The following TRIM66 variants were observed in gnomAD, a reference collection of about 807,000 sequenced individuals.
The protein encoded by TRIM66 is tripartite motif-containing protein 66.
Under a neutral mutation model 148.2 loss-of-function variants are expected in TRIM66, and 99 were observed. That is an observed-to-expected ratio of 0.67 (90% CI 0.57 to 0.79). The LOEUF (loss-of-function observed/expected upper bound fraction) is 0.79, where lower values mean the gene tolerates loss of function less well. Among genes scored for constraint, TRIM66 ranks in the 30% least tolerant of loss-of-function variants. The pLI is 0.00. For missense variants in TRIM66, 1,666 were observed against 1,697.9 expected, an observed-to-expected ratio of 0.98 and a Z score of 0.33; for synonymous variants, 616 against 635.9, an observed-to-expected ratio of 0.97 and a Z score of 0.47.
chr11:8,672,119 A>G, intron 5 of TRIM66, 21 bp from the exon 6 acceptor site: 2 of 1,529,530 alleles, frequency 1.3e-6, no homozygotes, highest in South Asian at 1.2e-5. Context: ...AGCACAAAGC[A>G]GAGTGATCTA....
Position 8,648,548 on chromosome 11 carries a change from C to T in TRIM66, c.593G>A (p.Gly198Glu). Residue 198 changes from glycine to glutamate, a missense_variant and splice_region_variant, in exon 9 of 25, where the codon GGA becomes GAA. Transcript: ENST00000646038. ...GAAGTCTCCGGGACCACCATTCACT[C>T]CTGCCAGAGAAGACAGAGAAAGTGA... is the stretch of plus-strand genomic sequence containing the variant. ...FFPRAQKGSP[G>E]VNGGPGDFTL... The T allele has an allele frequency of 6.4e-7, 1 of 1,551,652 alleles. No homozygotes were observed. Among genetic ancestry groups the T allele is most frequent in the South Asian group, 1.2e-5 (1 of 84,050 alleles).
intron 13 of TRIM66, 97 bp downstream of exon 13, chr11:8,642,912 G>A (rs2036527365): frequency 5.9e-6 from 3 of 511,736 alleles, no homozygotes; most frequent in Non-Finnish European, 9.3e-6. Context: ...CCCAGAGAGT[G>A]CTTTCTCTTG....
intron 6 of TRIM66, among the ~76,000 whole-genome samples, chr11:8,667,514 G>A (rs978117678): frequency 6.6e-6 from 1 of 152,094 alleles, no homozygotes; most frequent in African/African-American, 2.4e-5. Flanking sequence ...CACTAACAAT[G>A]ACAACCCCAT....
chr11:8,651,879 T>C lies in TRIM66; in HGVS notation c.365A>G (p.Glu122Gly). The C allele has an allele frequency of 6.4e-7, 1 of 1,551,670 alleles. No individual in the cohort carries two copies. The highest frequency in any genetic ancestry group is 2.0e-5 in the Admixed American group (1 of 51,008). Residue 122 changes from glutamate to glycine, a missense_variant, in exon 7 of 25, where the codon GAA (glutamate) becomes GGA (glycine). By Grantham distance (98) the Glu-to-Gly change is moderately conservative. Transcript: ENST00000646038. ...ADELISCPGC[E>G]RVYLTRDVTE... is the part of the protein sequence containing the mutation. ...TACATCCCTGGTAAGATATACTCGT[T>C]CACACCCAGGACAGGAGATGAGCTC...
At chr11:8,630,836 T>C (rs1327041469) in intron 15 of TRIM66, among the ~76,000 whole-genome samples, 1 of 152,176 alleles carries the variant, frequency 6.6e-6, no homozygotes, top group Non-Finnish European at 1.5e-5. Flanking sequence ...ACCATCTAAC[T>C]TGACAACTTG....
At chr11:8,643,363 G>A (rs67165472) in intron 12 of TRIM66, among the ~76,000 whole-genome samples, 13,579 of 148,728 alleles carry the variant, frequency 0.091, 785 homozygotes, top group Middle Eastern at 0.19. Context: ...TAATTGAGAC[G>A]GGGTCTCACT....
chr11:8,634,600 G>A (rs1321145154), intron 15 of TRIM66, among the ~76,000 whole-genome samples: 4 of 152,220 alleles, frequency 2.6e-5, no homozygotes, highest in Admixed American at 6.5e-5. Flanking sequence ...TGTAGCCATG[G>A]TCTTTCTTTC....
rs563750476 is a variant in TRIM66, at chr11:8,614,641, C to A, written c.*3303G>T. On this transcript the variant is annotated 3_prime_UTR_variant, in exon 25 of 25. Transcript: ENST00000646038. ...CAGAAAGGAAGACTATAAGTGACTC[C>A]ATGGAGTGAGAGAGGGAGCAGAACA... The A allele has an allele frequency of 2.0e-5, 3 of 152,470 alleles. No individual in the cohort carries two copies. The South Asian group carries it at 6.2e-4, about 32-fold the overall frequency. 9.4% of individuals were successfully genotyped at this position (152,470 alleles called of 1,614,324 possible). A position where few individuals can be genotyped will look rare whatever the true frequency, so the allele number is the denominator to read the frequency against.
At chr11:8,638,560 C>A (rs775031114) in intron 15 of TRIM66, 94 bp downstream of exon 15, 119 of 1,403,686 alleles carry the variant, frequency 8.5e-5, no homozygotes, top group Non-Finnish European at 1.0e-4. Flanking sequence ...AACAGGGACG[C>A]TCCTCCCCCC....
upstream of TRIM66, chr11:8,683,112 A>G: frequency 7.4e-7 from 1 of 1,353,184 alleles, no homozygotes; most frequent in Non-Finnish European, 1.1e-6. Context: ...TAGGTCTTTG[A>G]CCCACAGGCT....
intron 6 of TRIM66, among the ~76,000 whole-genome samples, chr11:8,652,980 A>C (rs1027616311): frequency 3.9e-5 from 6 of 152,258 alleles, no homozygotes; most frequent in African/African-American, 1.4e-4. Flanking sequence ...TATGTAAAAT[A>C]GGGAAAATAA....
At chr11:8,659,020 C>T (rs2038065579) in intron 6 of TRIM66, among the ~76,000 whole-genome samples, 1 of 151,728 alleles carries the variant, frequency 6.6e-6, no homozygotes, top group Non-Finnish European at 1.5e-5. Flanking sequence ...CTCTACCCAC[C>T]AGGAAGATCC....
intron 15 of TRIM66, among the ~76,000 whole-genome samples, chr11:8,625,665 T>C (rs909134427): frequency 1.3e-5 from 2 of 152,324 alleles, no homozygotes; most frequent in Admixed American, 1.3e-4. Flanking sequence ...CCCCTCTGAC[T>C]ATACCACCAG....
chr11:8,643,480 C>T (rs1294865983), intron 12 of TRIM66, among the ~76,000 whole-genome samples: 1 of 152,034 alleles, frequency 6.6e-6, no homozygotes, highest in Non-Finnish European at 1.5e-5. Flanking sequence ...GCTAGGACTA[C>T]AGGTGCCCGC....
intron 9 of TRIM66, 110 bp from the exon 10 acceptor site, chr11:8,648,196 G>C (rs1453391554): frequency 3.5e-5 from 42 of 1,193,514 alleles, no homozygotes; most frequent in Non-Finnish European, 4.9e-5. Context: ...CATGGAAGCT[G>C]TGATGACTTC....
intron 6 of TRIM66, among the ~76,000 whole-genome samples, chr11:8,666,430 T>C (rs1565568353): frequency 6.6e-6 from 1 of 151,828 alleles, no homozygotes; most frequent in African/African-American, 2.4e-5. Context: ...GGTTCCAAAT[T>C]AAGCATGTTT....
At position 8,638,671 on chromosome 11, in the gene TRIM66, G is replaced by A; in HGVS notation, c.2293C>T (p.Pro765Ser). 3 of 1,548,904 alleles carry A rather than the reference G, an allele frequency of 1.9e-6. No homozygotes were observed. Among genetic ancestry groups the A allele is most frequent in the Non-Finnish European group, 8.7e-7 (1 of 1,146,184 alleles). Reference protein sequence around the residue: ...PVDSTIQHSSPNVVRKHSTSL... With the variant: ...PVDSTIQHSSSNVVRKHSTSL... ...TTCAGTACCTTTCTCACCACATTTG[G>A]AGAGGAGTGCTGGATGGTGCTGTCC... The change falls in exon 15 of 25, where the codon CCA becomes TCA. Residue 765 changes from proline (P) to serine (S), a missense_variant. Physicochemically the swap from Pro to Ser is moderately conservative, Grantham distance 74. This residue lies in a region of TRIM66 where 1,431 missense variants were observed against 1,412.4 expected (regional missense o/e 1.01). Coordinates refer to ENST00000646038, the MANE Select transcript of TRIM66 (RefSeq NM_001388022.1).
At chr11:8,644,788 T>G (rs1305183385) in intron 12 of TRIM66, among the ~76,000 whole-genome samples, 1 of 152,228 alleles carries the variant, frequency 6.6e-6, no homozygotes, top group African/African-American at 2.4e-5. Flanking sequence ...CCATCCTCAG[T>G]CTCCTCATTC....
In TRIM66 at chr11:8,643,131, C is replaced by T; in HGVS notation, c.1105-5G>A. 1 of 1,549,926 alleles carries T rather than the reference C, an allele frequency of 6.5e-7. No individual in the cohort carries two copies. On this transcript the variant is annotated splice_region_variant and splice_polypyrimidine_tract_variant and intron_variant, in intron 12 of 24. Transcript: ENST00000646038. ...TCGCTGCATCTGAAACACAATCTGA[C>T]AACAGCACCAAAGGTCATTTATTTG... is the stretch of plus-strand genomic sequence containing the variant.
Sources: allele counts gnomAD v4.1 joint callset (sites outside exome capture counted in the v4.1 genomes callset), GRCh38; gene constraint gnomAD v4.1.1; regional missense constraint gnomAD v4.1.1; transcripts MANE v1.5; gene names NCBI Gene and HGNC (gene_info 2026-07-23, HGNC 2026-07-21).